ZC3H12B: variants seen among roughly 807,000 people sequenced by gnomAD.
ZC3H12B encodes the protein zinc finger CCCH-type containing 12B.
ZC3H12B carries 7 observed loss-of-function variants against 43.9 expected under a neutral mutation model. That is an observed-to-expected ratio of 0.16 (90% confidence interval 0.09 to 0.30). The LOEUF (loss-of-function observed/expected upper bound fraction) is 0.30, where lower values mean the gene tolerates loss of function less well. ZC3H12B is among the 10% of genes least tolerant of loss of function. ZC3H12B has a pLI of 1.00. For synonymous variants in ZC3H12B, 222 were observed against 241.7 expected, an observed-to-expected ratio of 0.92 and a Z score of 0.76; for missense variants, 475 against 670.2, an observed-to-expected ratio of 0.71 and a Z score of 3.22.
At chrX:65,047,352 A>G in the ZC3H12B span, among the ~76,000 whole-genome samples, 1 of 111,785 alleles carries the variant, frequency 8.9e-6, no homozygotes, top group African/African-American at 3.2e-5. Context: ...TTGCATAACT[A>G]CAGTATGATA....
chrX:65,120,094 T>C, the ZC3H12B span, among the ~76,000 whole-genome samples: 2 of 112,091 alleles, frequency 1.8e-5, no homozygotes, highest in East Asian at 5.6e-4. Context: ...GCCTCTAGCT[T>C]TGTTCTTTTG....
the ZC3H12B span, among the ~76,000 whole-genome samples, chrX:65,209,610 A>G: frequency 9.3e-6 from 1 of 108,084 alleles, no homozygotes; most frequent in Non-Finnish European, 1.9e-5. Flanking sequence ...TATGTGGTCA[A>G]TTTTGGAATA....
chrX:65,253,224 G>A, the ZC3H12B span, among the ~76,000 whole-genome samples: 4 of 112,123 alleles, frequency 3.6e-5, no homozygotes, highest in Admixed American at 1.9e-4. Context: ...GAACACAGAT[G>A]CTGGGCTGAA....
chrX:65,083,431 TAAC>T, the ZC3H12B span, among the ~76,000 whole-genome samples: 2 of 111,851 alleles, frequency 1.8e-5, no homozygotes, highest in East Asian at 5.6e-4. Context: ...AAAATCGACA[TAAC>T]AACATTCAGT....
At chrX:65,437,924 G>T (rs2067241165) in intron 3 of ZC3H12B, among the ~76,000 whole-genome samples, 1 of 112,309 alleles carries the variant, frequency 8.9e-6, no homozygotes, top group Admixed American at 9.5e-5. Context: ...TATGCAGCAA[G>T]AGATAAGAGT....
chrX:65,212,623 T>TC, the ZC3H12B span, among the ~76,000 whole-genome samples: 293 of 84,471 alleles, frequency 3.5e-3, 13 homozygotes, highest in East Asian at 0.085. Flanking sequence ...TGATATATAA[T>TC]ATATATAAAT....
chrX:65,449,244 C>T (rs190773798), intron 3 of ZC3H12B, among the ~76,000 whole-genome samples: 191 of 110,657 alleles, frequency 1.7e-3, no homozygotes, highest in African/African-American at 6.0e-3. Flanking sequence ...AGCAAATCAC[C>T]ATGGCACACG....
intron 3 of ZC3H12B, among the ~76,000 whole-genome samples, chrX:65,452,578 C>T (rs1026889504): frequency 1.1e-4 from 12 of 111,731 alleles, no homozygotes; most frequent in Admixed American, 9.5e-5. Flanking sequence ...TGGTGGCTCA[C>T]GCCTGTAATC....
the ZC3H12B span, among the ~76,000 whole-genome samples, chrX:65,111,157 G>A: frequency 9.0e-6 from 1 of 110,641 alleles, no homozygotes; most frequent in Non-Finnish European, 1.9e-5. Flanking sequence ...CTACATAGAC[G>A]GTATATCATC....
the ZC3H12B span, among the ~76,000 whole-genome samples, chrX:65,151,696 A>C: frequency 8.9e-6 from 1 of 111,788 alleles, no homozygotes; most frequent in Non-Finnish European, 1.9e-5. Context: ...TATTCCAATC[A>C]ATACAAAAAG....
At chrX:65,262,932 A>T in the ZC3H12B span, among the ~76,000 whole-genome samples, 1 of 110,513 alleles carries the variant, frequency 9.0e-6, no homozygotes, top group Non-Finnish European at 1.9e-5. Context: ...TAGGGATACA[A>T]CTAAGACATG....
At chrX:65,197,499 A>C in the ZC3H12B span, among the ~76,000 whole-genome samples, 1 of 112,393 alleles carries the variant, frequency 8.9e-6, no homozygotes, top group Non-Finnish European at 1.9e-5. Context: ...AAAGGGAGAG[A>C]CATTACAAAA....
At chrX:65,441,965 G>T (rs1363367612) in intron 3 of ZC3H12B, among the ~76,000 whole-genome samples, 1 of 108,365 alleles carries the variant, frequency 9.2e-6, no homozygotes, top group East Asian at 2.9e-4. Flanking sequence ...GATGAGCCCA[G>T]TGTTTTCCTT....
intron 3 of ZC3H12B, among the ~76,000 whole-genome samples, chrX:65,464,783 T>C (rs2067796462): frequency 9.0e-6 from 1 of 110,839 alleles, no homozygotes; most frequent in Non-Finnish European, 1.9e-5. Flanking sequence ...ACTGTTTTGC[T>C]GCATTTCCTA....
intron 3 of ZC3H12B, among the ~76,000 whole-genome samples, chrX:65,452,040 C>A (rs961252926): frequency 9.0e-6 from 1 of 111,448 alleles, no homozygotes; most frequent in African/African-American, 3.3e-5. Flanking sequence ...CTTGAAGAGC[C>A]AGTTGTGGGT....
exon 5 of ZC3H12B, chrX:65,502,345 A>G (rs1454498269): frequency 1.7e-6 from 2 of 1,211,627 alleles, no homozygotes; most frequent in African/African-American, 3.5e-5. Flanking sequence ...ATTCAATGTT[A>G]GGTGACTTCT....
chrX:65,081,940 A>G, the ZC3H12B span, among the ~76,000 whole-genome samples: 34 of 112,316 alleles, frequency 3.0e-4, no homozygotes, highest in African/African-American at 1.1e-3. Flanking sequence ...ACCACAATGG[A>G]ATAAAACTAG....
At chrX:65,332,728 A>G in the ZC3H12B span, among the ~76,000 whole-genome samples, 6 of 112,085 alleles carry the variant, frequency 5.4e-5, no homozygotes, top group East Asian at 1.7e-3. Flanking sequence ...TGAGATTAGA[A>G]TCTAATAACA....
At chrX:65,075,229 C>A in the ZC3H12B span, among the ~76,000 whole-genome samples, 1 of 112,310 alleles carries the variant, frequency 8.9e-6, no homozygotes, top group Non-Finnish European at 1.9e-5. Flanking sequence ...TTCTTAGTTT[C>A]CCCCAAGCTT....
Sources: allele counts gnomAD v4.1 joint callset (sites outside exome capture counted in the v4.1 genomes callset), GRCh38; gene constraint gnomAD v4.1.1; transcripts MANE v1.5; gene names NCBI Gene and HGNC (gene_info 2026-07-23, HGNC 2026-07-21).